The following AQP7 variants were observed in gnomAD, a reference collection of about 807,000 sequenced individuals.
AQP7 encodes the protein aquaporin-7.
Under a neutral mutation model 26.1 loss-of-function variants are expected in AQP7, and 22 were observed. The observed-to-expected ratio is 0.84, with a 90% confidence interval of 0.60 to 1.20. The LOEUF (loss-of-function observed/expected upper bound fraction) is 1.20, where lower values mean the gene tolerates loss of function less well. AQP7 is among the 50% of genes most tolerant of loss of function. The probability of loss-of-function intolerance (pLI) is 0.00; values close to 1 mark genes in which losing one functional copy is unlikely to be tolerated. For synonymous variants in AQP7, 167 were observed against 181.7 expected, an observed-to-expected ratio of 0.92 and a Z score of 0.65; for missense variants, 412 against 457.5, an observed-to-expected ratio of 0.90 and a Z score of 0.91.
chr9:33,390,787 C>T (rs1374822487), intron 3 of AQP7, among the ~76,000 whole-genome samples: 1 of 152,160 alleles, frequency 6.6e-6, no homozygotes, highest in African/African-American at 2.4e-5. Context: ...CATGGCCTTT[C>T]CCCCATTCCA....
intron 2 of AQP7, 150 bp from the exon 3 acceptor site, chr9:33,395,345 A>T: frequency 1.5e-6 from 1 of 666,942 alleles, no homozygotes; most frequent in Non-Finnish European, 2.7e-6. Context: ...GGACAGCTGG[A>T]ATTGGAGACA....
intron 3 of AQP7, among the ~76,000 whole-genome samples, chr9:33,390,620 T>A (rs1168543403): frequency 6.6e-6 from 1 of 151,792 alleles, no homozygotes; most frequent in Non-Finnish European, 1.5e-5. Context: ...AGCCCAGAGC[T>A]AGGCTGGCTT....
chr9:33,386,446 C>T lies in AQP7; in HGVS notation c.364G>A (p.Gly122Ser). 1.9e-6 allele frequency: 3 copies of T among 1,611,092 alleles called. No homozygotes were observed. Among genetic ancestry groups the T allele is most frequent in the Non-Finnish European group, 2.5e-6 (3 of 1,178,940 alleles). The change falls in exon 5 of 8, where the codon GGC becomes AGC. Residue 122 changes from glycine to serine, a missense_variant. Gly to Ser is a moderately conservative substitution (Grantham distance 56). Transcript: ENST00000297988. Reference protein sequence around the residue: ...FPVYVLGQFLGSFLAAATIYS... With the variant: ...FPVYVLGQFLSSFLAAATIYS... Reference sequence around the variant, plus strand: ...ATGGTGGCAGCCGCCAGGAAGGAGCCCAGGAACTGCCCCAGCACATAGACC... The same window carrying T: ...ATGGTGGCAGCCGCCAGGAAGGAGCTCAGGAACTGCCCCAGCACATAGACC...
rs1824558869 is a variant in AQP7 at position 33,384,441 on chromosome 9, CAGAT to C, written c.*560_*563del. 6.6e-6 allele frequency: 1 copy of C among 151,418 alleles called. No individual in the cohort carries two copies. The highest frequency in any genetic ancestry group is 1.5e-5 in the Non-Finnish European group (1 of 68,014). The allele number at this position is 151,418 out of a possible 1,614,324, so 9.4% of individuals were successfully genotyped here. A position where few individuals can be genotyped will look rare whatever the true frequency, so the allele number is the denominator to read the frequency against. On this transcript the variant is annotated 3_prime_UTR_variant, in exon 8 of 8. Coordinates refer to ENST00000297988, the MANE Select transcript of AQP7 (RefSeq NM_001170.3). ...GCACAGAACATATACAGAACATAAACAGATATATAGTACATCTGTGGTATTAAAA... is the reference window on the plus strand; with the variant it reads ...GCACAGAACATATACAGAACATAAACATATAGTACATCTGTGGTATTAAAA...
intron 2 of AQP7, among the ~76,000 whole-genome samples, chr9:33,400,495 T>C (rs1177855780): frequency 3.9e-5 from 6 of 152,058 alleles, no homozygotes; most frequent in African/African-American, 1.4e-4. Flanking sequence ...AGAAAGTCAG[T>C]GTGAGGCCAG....
chr9:33,392,286 C>G (rs562861863), intron 3 of AQP7, among the ~76,000 whole-genome samples: 2 of 144,402 alleles, frequency 1.4e-5, no homozygotes, highest in East Asian at 4.1e-4. Flanking sequence ...TGTGACAAAG[C>G]AAGACTGTAT....
intron 3 of AQP7, among the ~76,000 whole-genome samples, chr9:33,392,613 G>C (rs926428681): frequency 1.3e-5 from 2 of 152,160 alleles, no homozygotes; most frequent in African/African-American, 4.8e-5. Flanking sequence ...CTCAGAGGAC[G>C]CACCCTCCTG....
chr9:33,400,976 A>C (rs986390158), intron 2 of AQP7: 22 of 546,072 alleles, frequency 4.0e-5, no homozygotes, highest in African/African-American at 3.2e-4. Flanking sequence ...TGCTGAGTGC[A>C]GTTGAGTTGA....
At chr9:33,399,706 G>A (rs1239434001) in intron 2 of AQP7, among the ~76,000 whole-genome samples, 1 of 152,128 alleles carries the variant, frequency 6.6e-6, no homozygotes, top group Non-Finnish European at 1.5e-5. Flanking sequence ...TTTAATGGAA[G>A]AGATGGGTAA....
At chr9:33,392,612 C>T (rs371983294) in intron 3 of AQP7, among the ~76,000 whole-genome samples, 4 of 152,140 alleles carry the variant, frequency 2.6e-5, no homozygotes, top group East Asian at 3.8e-4. Flanking sequence ...TCTCAGAGGA[C>T]GCACCCTCCT....
chr9:33,390,132 C>A lies in AQP7; in HGVS notation c.145-3040G>T, dbSNP rs540819366. Among the ~76,000 whole-genome samples, 7 of 152,060 alleles carry A rather than the reference C, an allele frequency of 4.6e-5. No homozygotes were observed. In the South Asian group the frequency reaches 1.5e-3, roughly 32 times the overall value. ...AGGAGCGGGGGAGAGAGAACATGAT[C>A]CCGCGAAGGGGCTGACAGGGTGAAG... On this transcript the variant is annotated intron_variant, in intron 3 of 7. Transcript: ENST00000297988.
At chr9:33,391,544 C>T (rs747193828) in intron 3 of AQP7, 9 of 247,544 alleles carry the variant, frequency 3.6e-5, no homozygotes, top group Admixed American at 1.4e-4. Flanking sequence ...AACTCTCCCC[C>T]ACAGCCAGGA....
chr9:33,386,843 C>T (rs1824864501), intron 4 of AQP7, 126 bp downstream of exon 4: 1 of 1,414,118 alleles, frequency 7.1e-7, no homozygotes, highest in Non-Finnish European at 9.7e-7. Context: ...GAGGAGACTT[C>T]CTCCCGCCCG....
chr9:33,386,888 G>T (rs1168588122), intron 4 of AQP7, 81 bp downstream of exon 4: 24 of 1,589,364 alleles, frequency 1.5e-5, no homozygotes, highest in Non-Finnish European at 2.0e-5. Context: ...TGCTGGCAAA[G>T]AAGCTGGCTG....
At chr9:33,400,999 T>G in intron 2 of AQP7, 1 of 565,370 alleles carries the variant, frequency 1.8e-6, no homozygotes, top group Non-Finnish European at 3.2e-6. Flanking sequence ...GCCACCTGCA[T>G]GCCTTGACCC....
chr9:33,398,808 T>C (rs888419124), intron 2 of AQP7, among the ~76,000 whole-genome samples: 1 of 151,850 alleles, frequency 6.6e-6, no homozygotes, highest in African/African-American at 2.4e-5. Context: ...TGGGCATAGA[T>C]GAGAGAGCTC....
rs2381008 is a variant in AQP7 at position 33,395,467 on chromosome 9, T to C, written c.27-272A>G. The C allele has an allele frequency of 3.2e-5, 14 of 434,990 alleles. No individual in the cohort carries two copies. In the East Asian group the frequency reaches 6.1e-4, roughly 19 times the overall value. 26.9% of individuals were successfully genotyped at this position (434,990 alleles called of 1,614,324 possible). A position where few individuals can be genotyped will look rare whatever the true frequency, so the allele number is the denominator to read the frequency against. ...CACACCAATGAGGCCACTTTGCAGATGGGCGGGTGGGGAGCTGAAAGTGCA... is the reference window on the plus strand; with the variant it reads ...CACACCAATGAGGCCACTTTGCAGACGGGCGGGTGGGGAGCTGAAAGTGCA... On this transcript the variant is annotated intron_variant, in intron 2 of 7. Transcript: ENST00000297988.
rs575153087 is a variant in AQP7 at position 33,387,086 on chromosome 9, C to A, written c.151G>T (p.Gly51Cys). Residue 51 changes from glycine (G) to cysteine (C), a missense_variant, in exon 4 of 8, where the codon GGC (glycine) becomes TGC (cysteine). By Grantham distance (159) the Gly-to-Cys change is radical. Coordinates refer to ENST00000297988, the MANE Select transcript of AQP7 (RefSeq NM_001170.3). ...ACCATATGGGCCACGGAACCAAGGC[C>A]GAATACCTACAAGGGAGGGCCTCTA... ...FMSTYVMMVF[G>C]LGSVAHMVLN... 6.2e-7 allele frequency: 1 copy of A among 1,611,812 alleles called. No individual in the cohort carries two copies. The highest frequency in any genetic ancestry group is 1.1e-5 in the South Asian group (1 of 90,982).
rs759061075 is a variant in AQP7 at position 33,386,521 on chromosome 9, C to T, written c.289G>A (p.Val97Met). 2 of 1,612,332 alleles carry T rather than the reference C, an allele frequency of 1.2e-6. No homozygotes were observed. Among genetic ancestry groups the T allele is most frequent in the Non-Finnish European group, 1.7e-6 (2 of 1,179,218 alleles). The change falls in exon 5 of 8, where the codon GTG (valine) becomes ATG (methionine). Residue 97 changes from valine to methionine, a missense_variant. Physicochemically the swap from Val to Met is conservative, Grantham distance 21. Transcript: ENST00000297988. ...RISGAHMNAAVTFANCALGRV... is the reference protein window; with the variant it reads ...RISGAHMNAAMTFANCALGRV... ...CCCAGCGCACAGTTAGCAAAGGTCACAGCTGCGTTCATGTGGGCTCCTGCG... is the reference window on the plus strand; with the variant it reads ...CCCAGCGCACAGTTAGCAAAGGTCATAGCTGCGTTCATGTGGGCTCCTGCG...
Sources: gnomAD v4.1 joint callset for allele counts (sites outside exome capture counted in the v4.1 genomes callset) on GRCh38, gnomAD v4.1.1 for gene constraint, MANE v1.5 for transcripts, NCBI Gene and HGNC (gene_info 2026-07-23, HGNC 2026-07-21) for gene names.